Variants in MARVELD2 observed in about 807,000 individuals in gnomAD.
MARVELD2 encodes MARVEL domain containing 2.
Under a neutral mutation model 57.6 loss-of-function variants are expected in MARVELD2, and 49 were observed. The observed-to-expected ratio is 0.85, with a 90% confidence interval of 0.68 to 1.08. The LOEUF is 1.08. Ranked by LOEUF, MARVELD2 falls within the 50% of genes least tolerant of loss-of-function variation. The pLI, the probability that MARVELD2 is intolerant of heterozygous loss-of-function variation, is 0.00. For synonymous variants in MARVELD2, 238 were observed against 258.8 expected, an observed-to-expected ratio of 0.92 and a Z score of 0.77; for missense variants, 606 against 701.1, an observed-to-expected ratio of 0.86 and a Z score of 1.53.
In MARVELD2 at chr5:69,420,222, C is replaced by G. The variant is rs776639833; in HGVS notation, c.837C>G (p.Tyr279Ter). 1 of 1,614,018 alleles carries G rather than the reference C, an allele frequency of 6.2e-7. No homozygotes were observed. The highest frequency in any genetic ancestry group is 8.5e-7 in the Non-Finnish European group (1 of 1,180,026). ...TGGTTCTTGGCATGTCCATGTATTA[C>G]CGGACCATTCTTCTGGACTCTAATT... The part of the protein sequence containing the change: ...IILVLGMSMY[Y>*]RTILLDSNWW... The change falls in exon 2 of 7, where the codon TAC becomes TAG. Residue 279 changes from tyrosine (Y) to a stop codon, truncating the protein, a stop_gained. Transcript: ENST00000325631. LOFTEE classifies it high-confidence loss of function.
At chr5:69,418,807 ACT>A (rs1404839996) in intron 1 of MARVELD2, 2 of 151,372 alleles carry the variant, frequency 1.3e-5, no homozygotes, top group African/African-American at 4.9e-5. Context: ...TGAGGAAATG[ACT>A]CTACTTGGGA....
intron 2 of MARVELD2, among the ~76,000 whole-genome samples, chr5:69,421,539 A>G (rs1766625247): frequency 6.6e-6 from 1 of 152,178 alleles, no homozygotes; most frequent in African/African-American, 2.4e-5. Context: ...TCCTTATAAC[A>G]GCACACACTG....
chr5:69,432,488 A>G (rs1766993277), intron 3 of MARVELD2, 39 bp from the exon 4 acceptor site: 19 of 1,608,374 alleles, frequency 1.2e-5, no homozygotes, highest in Admixed American at 1.7e-5. Flanking sequence ...TTTTCTACTT[A>G]TGTTTATTAA....
intron 2 of MARVELD2, 38 bp from the exon 3 acceptor site, chr5:69,424,563 A>G: frequency 1.3e-6 from 2 of 1,568,214 alleles, no homozygotes; most frequent in East Asian, 2.2e-5. Context: ...GTAGCTTCAC[A>G]TGCCTTTGAA....
At chr5:69,437,695 A>AG (rs1182706761) in intron 5 of MARVELD2, among the ~76,000 whole-genome samples, 3 of 151,546 alleles carry the variant, frequency 2.0e-5, no homozygotes, top group Non-Finnish European at 4.4e-5. Flanking sequence ...AAAAAAAAAA[A>AG]CAAAGAAAAT....
intron 1 of MARVELD2, among the ~76,000 whole-genome samples, chr5:69,417,120 G>A (rs557888256): frequency 1.8e-4 from 27 of 152,284 alleles, no homozygotes; most frequent in Admixed American, 1.1e-3. Context: ...GGGCATTTGC[G>A]CTAGCTATTC....
At chr5:69,424,698 G>A (rs2150919736) in intron 3 of MARVELD2, 62 bp downstream of exon 3, 2 of 1,291,256 alleles carry the variant, frequency 1.5e-6, no homozygotes, top group South Asian at 2.4e-5. Flanking sequence ...TCTTAGGTCT[G>A]TTTATCTACA....
chr5:69,425,557 C>T (rs1222624879), intron 3 of MARVELD2, among the ~76,000 whole-genome samples: 2 of 151,144 alleles, frequency 1.3e-5, no homozygotes, highest in East Asian at 3.9e-4. Flanking sequence ...TGCAAGTAAA[C>T]AAACCAACAT....
In MARVELD2 at chr5:69,420,405, A is replaced by G; in HGVS notation, c.1020A>G (p.Gly340=). 5 of 1,614,044 alleles carry G rather than the reference A, an allele frequency of 3.1e-6. No individual in the cohort carries two copies. The highest frequency in any genetic ancestry group is 4.2e-6 in the Non-Finnish European group (5 of 1,180,030). The part of the protein sequence containing the change: ...VNAVFCRVEG[G]QIAAMIFLFV... ...CAGTGTTCTGCCGGGTAGAAGGAGG[A>G]CAGATAGCTGCAATGATCTTCCTGT... The change falls in exon 2 of 7, where the codon GGA becomes GGG. Residue 340 remains glycine, a synonymous_variant. Transcript: ENST00000325631.
intron 5 of MARVELD2, among the ~76,000 whole-genome samples, chr5:69,435,907 G>A (rs1425507670): frequency 6.6e-6 from 1 of 151,942 alleles, no homozygotes; most frequent in Non-Finnish European, 1.5e-5. Context: ...TTTTGTGTCT[G>A]GCTTCTTCAT....
intron 5 of MARVELD2, among the ~76,000 whole-genome samples, chr5:69,437,338 G>A (rs1767180818): frequency 1.4e-5 from 2 of 147,652 alleles, no homozygotes; most frequent in South Asian, 2.1e-4. Context: ...CCAAGATCGC[G>A]CCATTGCACT....
intron 2 of MARVELD2, among the ~76,000 whole-genome samples, chr5:69,423,085 A>G (rs570420296): frequency 6.6e-6 from 1 of 152,158 alleles, no homozygotes; most frequent in African/African-American, 2.4e-5. Context: ...TAGTAGAGAC[A>G]GGGTTTTGCC....
In MARVELD2 at chr5:69,440,484, T is replaced by C; in HGVS notation, c.1538T>C (p.Phe513Ser). 1.4e-6 allele frequency: 2 copies of C among 1,433,176 alleles called. No homozygotes were observed. The highest frequency in any genetic ancestry group is 2.0e-6 in the Non-Finnish European group (2 of 1,019,482). The allele number at this position is 1,433,176 out of a possible 1,614,324, so 88.8% of individuals were successfully genotyped here. A position where few individuals can be genotyped will look rare whatever the true frequency, so the allele number is the denominator to read the frequency against. Residue 513 changes from phenylalanine to serine, a missense_variant, in exon 6 of 7, where the codon TTT (phenylalanine) becomes TCT (serine). By Grantham distance (155) the Phe-to-Ser change is radical. Coordinates refer to ENST00000325631, the MANE Select transcript of MARVELD2 (RefSeq NM_001038603.3). ...HERISRIHEEFKKKKNDPTFL... is the reference protein window; with the variant it reads ...HERISRIHEESKKKKNDPTFL... ...AGAATTTCAAGAATCCATGAAGAGTTTAAGAAAAAAAAGAATGTGAGTAAA... is the reference window on the plus strand; with the variant it reads ...AGAATTTCAAGAATCCATGAAGAGTCTAAGAAAAAAAAGAATGTGAGTAAA...
chr5:69,416,428 A>G (rs1766425112), intron 1 of MARVELD2, among the ~76,000 whole-genome samples: 3 of 152,196 alleles, frequency 2.0e-5, no homozygotes, highest in South Asian at 2.1e-4. Context: ...CCTTGTCTCC[A>G]GTCTGTACAT....
intron 1 of MARVELD2, chr5:69,415,701 G>A (rs886294256): frequency 6.6e-6 from 1 of 152,216 alleles, no homozygotes; most frequent in Non-Finnish European, 1.5e-5. Flanking sequence ...CCGTTTCTTG[G>A]GTCCAGCAAA....
chr5:69,417,424 A>G (rs1430282307), intron 1 of MARVELD2, among the ~76,000 whole-genome samples: 2 of 152,212 alleles, frequency 1.3e-5, no homozygotes, highest in Admixed American at 6.5e-5. Context: ...TGCCTGGTGC[A>G]AGGCAGGTTA....
intron 3 of MARVELD2, among the ~76,000 whole-genome samples, chr5:69,429,427 G>T (rs114579816): frequency 0.017 from 2,640 of 152,176 alleles, 30 homozygotes; most frequent in Non-Finnish European, 0.025. Context: ...TGAAGTAGGG[G>T]CCCTCCCAAG....
rs1362638354 is a variant in MARVELD2 at position 69,443,477 on chromosome 5, G to T, written c.*1823G>T. 6.6e-6 allele frequency: 1 copy of T among 152,154 alleles called. No individual in the cohort carries two copies. Among genetic ancestry groups the T allele is most frequent in the Admixed American group, 6.6e-5 (1 of 15,256 alleles). The allele number at this position is 152,154 out of a possible 1,614,324, so 9.4% of individuals were successfully genotyped here. On this transcript the variant is annotated 3_prime_UTR_variant, in exon 7 of 7. Transcript: ENST00000325631. ...GGCCTTCTGAAGTGCTGGGATTCAG[G>T]TGTGAGCCACTGTGCCCAGCAGGGA...
Position 69,441,529 on chromosome 5 carries a change from C to A in MARVELD2, c.1555-3C>A. ...CAAAATAATACTTATATTTCTTTTA[C>A]AGGATCCTACATTTCTGGAAAAAAA... is the stretch of plus-strand genomic sequence containing the variant. On this transcript the variant is annotated splice_region_variant and splice_polypyrimidine_tract_variant and intron_variant, in intron 6 of 6. Coordinates refer to ENST00000325631, the MANE Select transcript of MARVELD2 (RefSeq NM_001038603.3). 1 of 1,610,012 alleles carries A rather than the reference C, an allele frequency of 6.2e-7. No individual in the cohort carries two copies. The highest frequency in any genetic ancestry group is 2.2e-5 in the East Asian group (1 of 44,752).
Sources: allele counts gnomAD v4.1 joint callset (sites outside exome capture counted in the v4.1 genomes callset), GRCh38; gene constraint gnomAD v4.1.1; transcripts MANE v1.5; gene names NCBI Gene and HGNC (gene_info 2026-07-23, HGNC 2026-07-21).